SORBS3: variants seen among roughly 807,000 people sequenced by gnomAD.
SORBS3 encodes the protein vinexin.
Under a neutral mutation model 98.0 loss-of-function variants are expected in SORBS3, and 69 were observed. That is an observed-to-expected ratio of 0.70 (90% confidence interval 0.58 to 0.86). SORBS3 has a LOEUF of 0.86. Ranked by LOEUF, SORBS3 falls within the 40% of genes least tolerant of loss-of-function variation. The pLI is 0.00. For synonymous variants in SORBS3, 394 were observed against 355.4 expected, an observed-to-expected ratio of 1.11 and a Z score of -1.22; for missense variants, 954 against 908.5, an observed-to-expected ratio of 1.05 and a Z score of -0.64.
Position 22,564,050 on chromosome 8 carries a change from C to T in SORBS3, c.648C>T (p.Phe216=). Residue 216 remains phenylalanine (F), a synonymous_variant, in exon 8 of 21, where the codon TTC becomes TTT. Transcript: ENST00000240123. ...RSTFNYRPGA[F]STVLQPSNQV... ...CCTTCAACTACAGACCTGGAGCATT[C>T]TCCACTGTGCTGCAGCCCTCAAATC... The T allele has an allele frequency of 6.2e-7, 1 of 1,613,926 alleles. No homozygotes were observed.
intron 8 of SORBS3, 88 bp downstream of exon 8, chr8:22,564,165 C>G (rs1245552889): frequency 2.0e-6 from 3 of 1,502,290 alleles, no homozygotes; most frequent in South Asian, 2.3e-5. Flanking sequence ...CAGCTTGAAT[C>G]CCTTGGAGGA....
chr8:22,570,786 C>A (rs1420873797), intron 17 of SORBS3, 124 bp from the exon 18 acceptor site: 9 of 807,296 alleles, frequency 1.1e-5, no homozygotes, highest in South Asian at 1.9e-5. Context: ...AAACTGCTGG[C>A]CCCCTGCGAT....
At chr8:22,555,119 G>A in intron 3 of SORBS3, 139 bp downstream of exon 3, 1 of 723,536 alleles carries the variant, frequency 1.4e-6, no homozygotes, top group South Asian at 1.7e-5. Flanking sequence ...GAGGCCTCTG[G>A]GCTCACTATG....
At chr8:22,565,755 CG>C in intron 11 of SORBS3, 70 bp from the exon 12 acceptor site, 1 of 1,283,242 alleles carries the variant, frequency 7.8e-7, no homozygotes, top group Admixed American at 3.9e-5. Flanking sequence ...CGAACTTTTC[CG>C]GAGGCGGCGG....
In SORBS3 at chr8:22,566,482, G is replaced by T. The variant is rs748817725; in HGVS notation, c.1088G>T (p.Arg363Leu). Residue 363 changes from arginine (R) to leucine (L), a missense_variant and splice_region_variant, in exon 13 of 21, where the codon CGA becomes CTA. Transcript: ENST00000240123. ...RRDFVYPSSTRDPSASNGGGS... is the reference protein window; with the variant it reads ...RRDFVYPSSTLDPSASNGGGS... ...GACTTTGTCTACCCTTCCTCAACCC[G>T]AGGTAAGGACCCAGCCCTGCTCTCT... The T allele has an allele frequency of 1.2e-6, 2 of 1,613,422 alleles. No individual in the cohort carries two copies. Among genetic ancestry groups the T allele is most frequent in the African/African-American group, 2.7e-5 (2 of 74,938 alleles).
chr8:22,568,999 G>A (rs567561637), intron 16 of SORBS3, 149 bp from the exon 17 acceptor site: 30 of 720,614 alleles, frequency 4.2e-5, no homozygotes, highest in Admixed American at 1.2e-4. Flanking sequence ...GTGCCCACCC[G>A]TGGCTGCCCC....
At chr8:22,561,257 C>A in intron 5 of SORBS3, 78 bp from the exon 6 acceptor site, 1 of 1,386,438 alleles carries the variant, frequency 7.2e-7, no homozygotes, top group Non-Finnish European at 9.9e-7. Flanking sequence ...ATGTTGGGAG[C>A]GGCTGAGGTT....
rs769121182 is a variant in SORBS3, at chr8:22,556,659, A to G, written c.221-56A>G. 6.0e-6 allele frequency: 9 copies of G among 1,502,994 alleles called. No individual in the cohort carries two copies. The South Asian group carries it at 8.0e-5, about 13-fold the overall frequency. The allele number at this position is 1,502,994 out of a possible 1,614,324, so 93.1% of individuals were successfully genotyped here. A position where few individuals can be genotyped will look rare whatever the true frequency, so the allele number is the denominator to read the frequency against. ...TGCTCTGAGGAGCTAAGGGACACAC[A>G]GGTTCAGGTGGAGACCCCTGCCTTT... On this transcript the variant is annotated intron_variant, in intron 3 of 20. Transcript: ENST00000240123.
chr8:22,570,852 C>T, intron 17 of SORBS3, 58 bp from the exon 18 acceptor site: 2 of 1,493,730 alleles, frequency 1.3e-6, no homozygotes, highest in South Asian at 1.3e-5. Flanking sequence ...CCAGATAAGG[C>T]ACCCGTGGGT....
In SORBS3 at chr8:22,554,238, C is replaced by A; in HGVS notation, c.-55-214C>A. The A allele has an allele frequency of 3.0e-6, 1 of 331,610 alleles. No individual in the cohort carries two copies. The highest frequency in any genetic ancestry group is 5.6e-6 in the Non-Finnish European group (1 of 179,216). The allele number at this position is 331,610 out of a possible 1,614,324, so 20.5% of individuals were successfully genotyped here. A position where few individuals can be genotyped will look rare whatever the true frequency, so the allele number is the denominator to read the frequency against. On this transcript the variant is annotated intron_variant, in intron 1 of 20. Coordinates refer to ENST00000240123, the MANE Select transcript of SORBS3 (RefSeq NM_005775.5). This position sits in a 1 kb window ranked among gnomAD's most constrained non-coding sequence, Gnocchi z 6.5. ...CCCGGAGCTCCTGCCCTGGGCCTAACAAGTGGTCCATTGTGCCCCTGGGAG... is the reference window on the plus strand; with the variant it reads ...CCCGGAGCTCCTGCCCTGGGCCTAAAAAGTGGTCCATTGTGCCCCTGGGAG...
At chr8:22,564,220 T>C in intron 8 of SORBS3, 63 bp from the exon 9 acceptor site, 2 of 1,522,202 alleles carry the variant, frequency 1.3e-6, no homozygotes, top group Non-Finnish European at 1.8e-6. Flanking sequence ...AGCCTGCATT[T>C]TGAGCCTGGC....
At chr8:22,571,672 A>G in intron 18 of SORBS3, 46 bp from the exon 19 acceptor site, 1 of 1,447,098 alleles carries the variant, frequency 6.9e-7, no homozygotes, top group Non-Finnish European at 9.7e-7. Context: ...ACATGTACCC[A>G]TCGTCTTCCT....
At chr8:22,548,930 TG>T (rs576028576), upstream of SORBS3, among the ~76,000 whole-genome samples, 1 of 152,298 alleles carries the variant, frequency 6.6e-6, no homozygotes, top group African/African-American at 2.4e-5. Context: ...TCCCCCTCCC[TG>T]TGAAGAGCCA....
chr8:22,566,201 A>C (rs1161882416), intron 12 of SORBS3, 144 bp from the exon 13 acceptor site: 2 of 1,090,264 alleles, frequency 1.8e-6, no homozygotes, highest in Non-Finnish European at 2.5e-6. Context: ...GAAGTAGGAC[A>C]TCCTGTGGAG....
At chr8:22,557,848 A>T (rs1840216068) in intron 4 of SORBS3, among the ~76,000 whole-genome samples, 1 of 152,198 alleles carries the variant, frequency 6.6e-6, no homozygotes, top group East Asian at 1.9e-4. Context: ...GAAACACTAG[A>T]CATAAAGAAA....
chr8:22,558,348 C>G (rs1840227746), intron 5 of SORBS3, among the ~76,000 whole-genome samples, 156 bp downstream of exon 5: 1 of 152,184 alleles, frequency 6.6e-6, no homozygotes, highest in African/African-American at 2.4e-5. Flanking sequence ...AGGCAGTCCC[C>G]TCCCTGTACT....
intron 20 of SORBS3, among the ~76,000 whole-genome samples, chr8:22,573,686 G>A (rs938743165): frequency 2.0e-5 from 3 of 152,094 alleles, no homozygotes; most frequent in Non-Finnish European, 4.4e-5. Flanking sequence ...GGGGTGGGAC[G>A]AGCACGGGCT....
Position 22,566,452 on chromosome 8 carries a change from G to T in SORBS3, c.1058G>T (p.Arg353Leu), listed in dbSNP as rs1303703253. Residue 353 changes from arginine to leucine, a missense_variant, in exon 13 of 21, where the codon CGG (arginine) becomes CTG (leucine). By Grantham distance (102) the Arg-to-Leu change is moderately radical. Coordinates refer to ENST00000240123, the MANE Select transcript of SORBS3 (RefSeq NM_005775.5). ...MADGGSPFLG[R>L]RDFVYPSSTR... is the part of the protein sequence containing the mutation. Reference sequence around the variant, plus strand: ...GATGGAGGAAGCCCCTTCCTAGGTCGGAGGGACTTTGTCTACCCTTCCTCA... The same window carrying T: ...GATGGAGGAAGCCCCTTCCTAGGTCTGAGGGACTTTGTCTACCCTTCCTCA... The T allele has an allele frequency of 3.7e-6, 6 of 1,613,840 alleles. No homozygotes were observed. In the African/African-American group the frequency reaches 8.0e-5, roughly 22 times the overall value.
In SORBS3 at chr8:22,574,797, G is replaced by A. The variant is rs763807603; in HGVS notation, c.*69G>A. On this transcript the variant is annotated 3_prime_UTR_variant, in exon 21 of 21. Coordinates refer to ENST00000240123, the MANE Select transcript of SORBS3 (RefSeq NM_005775.5). ...AGCGGTGGCACTCGTGGGAGGGAGA[G>A]GACCCCCGCCCACATCCTCCTTCCC... 3 of 1,444,396 alleles carry A rather than the reference G, an allele frequency of 2.1e-6. No homozygotes were observed. The highest frequency in any genetic ancestry group is 1.1e-5 in the South Asian group (1 of 87,712). 89.5% of individuals were successfully genotyped at this position (1,444,396 alleles called of 1,614,324 possible).
Sources: allele counts gnomAD v4.1 joint callset (sites outside exome capture counted in the v4.1 genomes callset), GRCh38; gene constraint gnomAD v4.1.1; non-coding constraint Gnocchi (gnomAD v3.1); transcripts MANE v1.5; gene names NCBI Gene and HGNC (gene_info 2026-07-23, HGNC 2026-07-21).